The following CAB39 variants were observed in gnomAD, a reference collection of about 807,000 sequenced individuals.
CAB39 encodes calcium binding protein 39.
CAB39 carries 8 observed loss-of-function variants against 40.0 expected under a neutral mutation model. The observed-to-expected ratio is 0.20, with a 90% CI of 0.12 to 0.36. CAB39 has a LOEUF of 0.36. Among genes scored for constraint, CAB39 ranks in the 10% least tolerant of loss-of-function variants. The probability of loss-of-function intolerance (pLI) is 1.00; values close to 1 mark genes in which losing one functional copy is unlikely to be tolerated. For missense variants in CAB39, 270 were observed against 401.1 expected, an observed-to-expected ratio of 0.67 and a Z score of 2.79; for synonymous variants, 156 against 141.6, an observed-to-expected ratio of 1.10 and a Z score of -0.72.
At chr2:230,735,460 C>T (rs1017915470) in intron 1 of CAB39, among the ~76,000 whole-genome samples, 17 of 151,804 alleles carry the variant, frequency 1.1e-4, no homozygotes, top group African/African-American at 2.7e-4. Flanking sequence ...AGCCACTGCT[C>T]CCAGCTCAGC....
At chr2:230,816,025 G>A (rs1448744463) in intron 7 of CAB39, among the ~76,000 whole-genome samples, 1 of 152,210 alleles carries the variant, frequency 6.6e-6, no homozygotes, top group East Asian at 1.9e-4. Context: ...TGTAATCCCA[G>A]CACTTTGGGA....
chr2:230,716,769 A>G (rs1198719151), intron 1 of CAB39, among the ~76,000 whole-genome samples: 6 of 152,324 alleles, frequency 3.9e-5, no homozygotes, highest in African/African-American at 1.4e-4. Flanking sequence ...TGGGAGGCCA[A>G]GGTGGGAGGA....
At chr2:230,748,834 ATATATAT>A (rs1695032827) in intron 1 of CAB39, among the ~76,000 whole-genome samples, 43 of 53,896 alleles carry the variant, frequency 8.0e-4, no homozygotes, top group African/African-American at 3.1e-3. Flanking sequence ...AAAAAAAAAT[ATATATAT>A]ATATATATAT....
intron 1 of CAB39, among the ~76,000 whole-genome samples, chr2:230,734,696 A>T (rs1406316830): frequency 2.6e-5 from 4 of 152,176 alleles, no homozygotes; most frequent in African/African-American, 7.2e-5. Flanking sequence ...TTTAGTCCTC[A>T]TGTTAGTCTT....
At chr2:230,731,778 A>AGC (rs1411711139) in intron 1 of CAB39, among the ~76,000 whole-genome samples, 1 of 151,870 alleles carries the variant, frequency 6.6e-6, no homozygotes, top group Non-Finnish European at 1.5e-5. Flanking sequence ...TTATGATGTG[A>AGC]GCCACCATGC....
chr2:230,718,008 A>C (rs968426625), intron 1 of CAB39, among the ~76,000 whole-genome samples: 2 of 152,060 alleles, frequency 1.3e-5, no homozygotes, highest in African/African-American at 4.8e-5. Context: ...TTGTCTTGGT[A>C]CTCAGAATAT....
At chr2:230,724,337 A>G (rs1411232048) in intron 1 of CAB39, among the ~76,000 whole-genome samples, 2 of 152,074 alleles carry the variant, frequency 1.3e-5, no homozygotes, top group East Asian at 3.9e-4. Context: ...AATTGCTAAC[A>G]TAGCACAGGT....
intron 1 of CAB39, among the ~76,000 whole-genome samples, chr2:230,749,128 T>C (rs1457721770): frequency 6.6e-6 from 1 of 151,334 alleles, no homozygotes; most frequent in Non-Finnish European, 1.5e-5. Context: ...GTTTTACATA[T>C]ATTCTTATAT....
intron 1 of CAB39, among the ~76,000 whole-genome samples, chr2:230,739,099 A>G (rs1049267460): frequency 1.3e-5 from 2 of 152,180 alleles, no homozygotes; most frequent in African/African-American, 4.8e-5. Context: ...AGCAGGATTC[A>G]CTGTTTGCTT....
intron 4 of CAB39, among the ~76,000 whole-genome samples, chr2:230,797,986 G>A (rs1033766957): frequency 6.6e-6 from 1 of 152,182 alleles, no homozygotes; most frequent in Non-Finnish European, 1.5e-5. Context: ...TGAGGGGGCG[G>A]AAGAGTCCAG....
Position 230,793,249 on chromosome 2 carries a change from C to G in CAB39, c.316C>G (p.Leu106Val), listed in dbSNP as rs760133720. The G allele has an allele frequency of 3.1e-6, 5 of 1,612,230 alleles. No individual in the cohort carries two copies. Among genetic ancestry groups the G allele is most frequent in the Non-Finnish European group, 4.2e-6 (5 of 1,178,790 alleles). The change falls in exon 4 of 9, where the codon CTC (leucine) becomes GTC (valine). Residue 106 changes from leucine (L) to valine (V), a missense_variant. Transcript: ENST00000258418. ...KDVAQIFNNI[L>V]RRQIGTRTPT... Reference sequence around the variant, plus strand: ...CGTGGCTCAAATTTTCAACAATATTCTCAGAAGACAAATTGGTACGAGAAC... The same window carrying G: ...CGTGGCTCAAATTTTCAACAATATTGTCAGAAGACAAATTGGTACGAGAAC...
chr2:230,728,567 G>T (rs1265688154), intron 1 of CAB39, among the ~76,000 whole-genome samples: 19 of 152,144 alleles, frequency 1.2e-4, no homozygotes, highest in Non-Finnish European at 1.5e-5. Flanking sequence ...TTCCCAAAGT[G>T]CTGGGATTAT....
At chr2:230,757,708 C>A (rs988448692) in intron 1 of CAB39, among the ~76,000 whole-genome samples, 1 of 152,138 alleles carries the variant, frequency 6.6e-6, no homozygotes, top group Non-Finnish European at 1.5e-5. Flanking sequence ...CCCTCCACAT[C>A]ACTGCTATTA....
intron 1 of CAB39, among the ~76,000 whole-genome samples, chr2:230,740,082 CTT>C (rs985506393): frequency 2.6e-5 from 4 of 152,140 alleles, no homozygotes; most frequent in Non-Finnish European, 5.9e-5. Context: ...TTTGGTGACT[CTT>C]GTTTTCTTTT....
At chr2:230,750,175 C>T (rs1695060926) in intron 1 of CAB39, among the ~76,000 whole-genome samples, 1 of 152,168 alleles carries the variant, frequency 6.6e-6, no homozygotes, top group South Asian at 2.1e-4. Flanking sequence ...TCCATCAAAA[C>T]TTATGCTGAG....
At chr2:230,779,306 C>G (rs1011921068) in intron 2 of CAB39, 1 of 152,234 alleles carries the variant, frequency 6.6e-6, no homozygotes, top group Admixed American at 6.5e-5. Flanking sequence ...CCTCCACACT[C>G]CCACCACATA....
At chr2:230,725,130 T>C (rs1694539705) in intron 1 of CAB39, 14 of 1,612,802 alleles carry the variant, frequency 8.7e-6, no homozygotes, top group Non-Finnish European at 1.1e-5. Flanking sequence ...GATTGAGAGC[T>C]TCCCAGAGAG....
At chr2:230,740,973 A>C (rs375099571) in intron 1 of CAB39, among the ~76,000 whole-genome samples, 53 of 152,330 alleles carry the variant, frequency 3.5e-4, no homozygotes, top group African/African-American at 1.3e-3. Flanking sequence ...ACATTTATGA[A>C]ATATATGGAA....
At chr2:230,767,135 A>G (rs1183008019) in intron 2 of CAB39, among the ~76,000 whole-genome samples, 2 of 152,242 alleles carry the variant, frequency 1.3e-5, no homozygotes, top group African/African-American at 4.8e-5. Context: ...TCACAGCAGG[A>G]TAATTTTGAA....
Sources: allele counts gnomAD v4.1 joint callset (sites outside exome capture counted in the v4.1 genomes callset), GRCh38; gene constraint gnomAD v4.1.1; transcripts MANE v1.5; gene names NCBI Gene and HGNC (gene_info 2026-07-23, HGNC 2026-07-21).